GRIK2: variants seen among roughly 807,000 people sequenced by gnomAD.
The protein encoded by GRIK2 is glutamate receptor ionotropic, kainate 2.
A neutral mutation model predicts 100.3 loss-of-function variants in GRIK2; 32 were observed. The ratio of observed to expected loss-of-function variants is 0.32; its 90% CI spans 0.24 to 0.43. The LOEUF (loss-of-function observed/expected upper bound fraction) is 0.43, where lower values mean the gene tolerates loss of function less well. Ranked by LOEUF, GRIK2 falls within the 20% of genes least tolerant of loss-of-function variation. The pLI is 1.00. For synonymous variants in GRIK2, 417 were observed against 389.4 expected (o/e 1.07, Z -0.83); for missense variants, 843 against 1,114.9 (o/e 0.76, Z 3.47).
intron 2 of GRIK2, among the ~76,000 whole-genome samples, chr6:101,565,369 C>T (rs1777205680): frequency 6.6e-6 from 1 of 152,018 alleles, no homozygotes; most frequent in Non-Finnish European, 1.5e-5. Context: ...CAGTCTTTAC[C>T]AGTCAGCACA....
At chr6:101,854,552 G>A (rs762777315) in intron 10 of GRIK2, among the ~76,000 whole-genome samples, 7 of 151,738 alleles carry the variant, frequency 4.6e-5, no homozygotes, top group Non-Finnish European at 7.4e-5. Flanking sequence ...AAGCTGTGCC[G>A]CCCAGCCTAA....
intron 16 of GRIK2, 92 bp downstream of exon 16, chr6:102,055,672 G>A: frequency 1.3e-6 from 1 of 796,022 alleles, no homozygotes; most frequent in Non-Finnish European, 2.1e-6. Flanking sequence ...ACCAACTAAT[G>A]ATAATGCATA....
intron 14 of GRIK2, among the ~76,000 whole-genome samples, chr6:102,021,959 A>C (rs953301781): frequency 8.0e-5 from 12 of 150,426 alleles, no homozygotes; most frequent in Non-Finnish European, 1.6e-4. Flanking sequence ...ACATTCGGAA[A>C]AAAAAAAAAC....
At chr6:101,765,876 C>T (rs1422150861) in intron 7 of GRIK2, among the ~76,000 whole-genome samples, 1 of 152,104 alleles carries the variant, frequency 6.6e-6, no homozygotes, top group Non-Finnish European at 1.5e-5. Context: ...TTTTCTTATA[C>T]ATCTACTTAA....
At chr6:101,934,627 T>C (rs1262979478) in intron 14 of GRIK2, among the ~76,000 whole-genome samples, 1 of 151,926 alleles carries the variant, frequency 6.6e-6, no homozygotes, top group Admixed American at 6.6e-5. Flanking sequence ...CTGCAAGTCC[T>C]TATTAGATCT....
At position 101,856,835 on chromosome 6, in the gene GRIK2, G is replaced by A. The variant is rs530349239; in HGVS notation, c.1318-2452G>A. Among the ~76,000 whole-genome samples, 6 of 152,270 alleles carry A rather than the reference G, an allele frequency of 3.9e-5. No homozygotes were observed. The South Asian group carries it at 1.2e-3, about 32-fold the overall frequency. On this transcript the variant is annotated intron_variant, in intron 10 of 16. Transcript: ENST00000369134. The stretch of plus-strand genomic sequence containing the variant: ...TGCGGAAGAGAGACTAGACTTCAAT[G>A]AGGGAAATAATTTGGTAATGAGTAA...
At chr6:101,812,677 G>A (rs73512758) in intron 9 of GRIK2, among the ~76,000 whole-genome samples, 9,904 of 152,016 alleles carry the variant, frequency 0.065, 347 homozygotes, top group African/African-American at 0.091. Context: ...TAAGTAAACA[G>A]TTAAAATATA....
At chr6:101,981,544 A>C (rs1793713997) in intron 14 of GRIK2, among the ~76,000 whole-genome samples, 1 of 151,954 alleles carries the variant, frequency 6.6e-6, no homozygotes, top group Non-Finnish European at 1.5e-5. Flanking sequence ...TTTACAATTT[A>C]GTAAAGGTTT....
At chr6:101,734,138 C>A (rs1298758279) in intron 7 of GRIK2, among the ~76,000 whole-genome samples, 1 of 152,014 alleles carries the variant, frequency 6.6e-6, no homozygotes, top group Non-Finnish European at 1.5e-5. Flanking sequence ...ACTCTTGTTA[C>A]CAAAATCTGT....
At chr6:101,625,088 T>C (rs1469817611) in intron 3 of GRIK2, among the ~76,000 whole-genome samples, 1 of 151,894 alleles carries the variant, frequency 6.6e-6, no homozygotes, top group South Asian at 2.1e-4. Flanking sequence ...GAATTAAAAA[T>C]AATAGCCGGG....
At chr6:102,009,289 G>A (rs1262347396) in intron 14 of GRIK2, among the ~76,000 whole-genome samples, 2 of 151,962 alleles carry the variant, frequency 1.3e-5, no homozygotes, top group Admixed American at 6.6e-5. Flanking sequence ...TTATTACAAT[G>A]ATTATTTCTT....
intron 4 of GRIK2, among the ~76,000 whole-genome samples, chr6:101,662,350 C>A (rs1280628870): frequency 4.6e-5 from 7 of 152,264 alleles, no homozygotes; most frequent in African/African-American, 1.4e-4. Flanking sequence ...CTCGCTTCTC[C>A]TTGTTTCTGT....
chr6:101,638,869 C>A (rs1036866187), intron 4 of GRIK2, among the ~76,000 whole-genome samples: 1 of 151,918 alleles, frequency 6.6e-6, no homozygotes, highest in Admixed American at 6.6e-5. Context: ...CACCTGTAAC[C>A]CCAGCTACTC....
chr6:101,801,390 T>C (rs1780659331), intron 8 of GRIK2, among the ~76,000 whole-genome samples: 2 of 152,160 alleles, frequency 1.3e-5, no homozygotes, highest in South Asian at 4.1e-4. Flanking sequence ...TATTAAACTT[T>C]TTCTATTTCA....
At chr6:101,529,332 A>G (rs1429460424) in intron 2 of GRIK2, among the ~76,000 whole-genome samples, 3 of 152,054 alleles carry the variant, frequency 2.0e-5, no homozygotes, top group African/African-American at 7.2e-5. Flanking sequence ...TTCTCACCCG[A>G]TAATTCCATT....
intron 2 of GRIK2, among the ~76,000 whole-genome samples, chr6:101,545,946 AT>A (rs71028075): frequency 0.81 from 120,509 of 149,102 alleles, 48,986 homozygotes; most frequent in African/African-American, 0.91. Context: ...AGTTCTCAAC[AT>A]TTTTTTTTTT....
chr6:101,786,859 T>C (rs192269477), intron 7 of GRIK2, among the ~76,000 whole-genome samples: 20 of 152,238 alleles, frequency 1.3e-4, no homozygotes, highest in Admixed American at 1.3e-3. Flanking sequence ...TTATCTCCTC[T>C]TGCTTTTTAA....
rs574140119 is a variant in GRIK2 at position 101,480,238 on chromosome 6, G to A, written c.115+80846G>A. Reference sequence around the variant, plus strand: ...GCTCACAAATCGACCATTTACACCAGTTATTCTCAAGAGCAGTAAACTTTC... The same window carrying A: ...GCTCACAAATCGACCATTTACACCAATTATTCTCAAGAGCAGTAAACTTTC... On this transcript the variant is annotated intron_variant, in intron 2 of 16. Transcript: ENST00000369134. Among the ~76,000 whole-genome samples, 7 of 152,232 alleles carry A rather than the reference G, an allele frequency of 4.6e-5. No individual in the cohort carries two copies. The East Asian group carries it at 1.4e-3, about 29-fold the overall frequency.
chr6:101,704,168 G>A (rs1773096108), intron 7 of GRIK2, among the ~76,000 whole-genome samples: 1 of 151,788 alleles, frequency 6.6e-6, no homozygotes, highest in Admixed American at 6.6e-5. Flanking sequence ...GGACAGTTAA[G>A]TCAGCAAATA....
Sources: allele counts gnomAD v4.1 joint callset (sites outside exome capture counted in the v4.1 genomes callset), GRCh38; gene constraint gnomAD v4.1.1; transcripts MANE v1.5; gene names NCBI Gene and HGNC (gene_info 2026-07-23, HGNC 2026-07-21).